Variants in TMEM108 observed in about 807,000 individuals in gnomAD.
TMEM108 encodes the protein transmembrane protein 108.
A neutral mutation model predicts 35.1 loss-of-function variants in TMEM108; 12 were observed. That is an observed-to-expected ratio of 0.34 (90% CI 0.22 to 0.55). The LOEUF is 0.55. Among genes scored for constraint, TMEM108 ranks in the 20% least tolerant of loss-of-function variants. The pLI is 0.89. For synonymous variants in TMEM108, 287 were observed against 308.6 expected (o/e 0.93, Z 0.73); for missense variants, 680 against 753.3 (o/e 0.90, Z 1.14).
chr3:133,338,792 C>G (rs539220340), intron 3 of TMEM108, among the ~76,000 whole-genome samples: 7 of 152,010 alleles, frequency 4.6e-5, no homozygotes, highest in Admixed American at 3.3e-4. Context: ...ATAGAAACAA[C>G]AAAAAGCTTA....
intron 3 of TMEM108, among the ~76,000 whole-genome samples, chr3:133,369,591 T>C (rs1193449175): frequency 6.6e-6 from 1 of 152,204 alleles, no homozygotes; most frequent in Non-Finnish European, 1.5e-5. Flanking sequence ...CCTAACTCCA[T>C]ACTTTGAATT....
At chr3:133,336,309 C>A (rs953924530) in intron 3 of TMEM108, among the ~76,000 whole-genome samples, 1 of 152,100 alleles carries the variant, frequency 6.6e-6, no homozygotes, top group African/African-American at 2.4e-5. Context: ...TTGCACAGCT[C>A]ATGGCTCCAA....
At chr3:133,272,277 G>A (rs993170938) in intron 3 of TMEM108, among the ~76,000 whole-genome samples, 3 of 118,808 alleles carry the variant, frequency 2.5e-5, no homozygotes, top group African/African-American at 1.0e-4. Context: ...ACGTACGTGT[G>A]TGTGTGTGTG....
At chr3:133,130,701 G>A (rs1373267641) in intron 2 of TMEM108, among the ~76,000 whole-genome samples, 1 of 152,210 alleles carries the variant, frequency 6.6e-6, no homozygotes, top group Non-Finnish European at 1.5e-5. Flanking sequence ...TGATAGGGAA[G>A]TGAAAAGTTT....
At chr3:133,270,656 G>T (rs928190249) in intron 3 of TMEM108, among the ~76,000 whole-genome samples, 1 of 152,144 alleles carries the variant, frequency 6.6e-6, no homozygotes, top group Admixed American at 6.5e-5. Flanking sequence ...CAGGTATCAT[G>T]AGCATCTTCT....
At chr3:133,217,354 TAC>T (rs1474491209) in intron 2 of TMEM108, among the ~76,000 whole-genome samples, 2 of 152,092 alleles carry the variant, frequency 1.3e-5, no homozygotes, top group Non-Finnish European at 2.9e-5. Flanking sequence ...AGTTTTCAAA[TAC>T]ATTTTCCCAT....
intron 2 of TMEM108, among the ~76,000 whole-genome samples, chr3:133,192,077 T>C (rs1463140683): frequency 5.9e-5 from 9 of 152,106 alleles, no homozygotes; most frequent in Admixed American, 4.6e-4. Flanking sequence ...ATCATGTATG[T>C]CCCATGGCCA....
intron 3 of TMEM108, among the ~76,000 whole-genome samples, chr3:133,313,668 C>T (rs1327028287): frequency 1.3e-5 from 2 of 152,134 alleles, no homozygotes; most frequent in Non-Finnish European, 2.9e-5. Context: ...GTCCATCTGC[C>T]CTTCATTGAT....
At position 133,055,412 on chromosome 3, in the gene TMEM108, A is replaced by G. The variant is rs115621186; in HGVS notation, c.-47+9392A>G. ...CCTTGTTGAAGATTCTTTAGCAACA[A>G]TAAAGACATCTGCTCTCTCCAGGGT... On this transcript the variant is annotated intron_variant, in intron 2 of 5. Coordinates refer to ENST00000321871, the MANE Select transcript of TMEM108 (RefSeq NM_023943.4). Among the ~76,000 whole-genome samples the G allele has an allele frequency of 5.9e-3, 902 of 152,382 alleles. 8 individuals are homozygous for G. The highest frequency in any genetic ancestry group is 9.0e-3 in the Non-Finnish European group (609 of 68,040).
intron 3 of TMEM108, among the ~76,000 whole-genome samples, chr3:133,344,316 CA>C (rs1032040900): frequency 5.3e-5 from 8 of 151,604 alleles, no homozygotes; most frequent in African/African-American, 1.7e-4. Context: ...GTTAAAAATT[CA>C]AATATCGATT....
At position 133,107,591 on chromosome 3, in the gene TMEM108, T is replaced by C. The variant is rs546506376; in HGVS notation, c.-47+61571T>C. Reference sequence around the variant, plus strand: ...CTTGAGCCTCTGTTCTCTAGCCTTCTAGTGGAGTCAGATTACAAAGGGGAT... The same window carrying C: ...CTTGAGCCTCTGTTCTCTAGCCTTCCAGTGGAGTCAGATTACAAAGGGGAT... On this transcript the variant is annotated intron_variant, in intron 2 of 5. Transcript: ENST00000321871. Among the ~76,000 whole-genome samples the C allele has an allele frequency of 3.9e-5, 6 of 152,216 alleles. 1 individual carries two copies. In the South Asian group the frequency reaches 1.0e-3, roughly 26 times the overall value.
intron 3 of TMEM108, among the ~76,000 whole-genome samples, chr3:133,356,772 G>C (rs1407797622): frequency 6.6e-6 from 1 of 152,158 alleles, no homozygotes; most frequent in Non-Finnish European, 1.5e-5. Flanking sequence ...GTCATATGTA[G>C]AAGAATGAAA....
At chr3:133,196,131 A>G (rs1175189863) in intron 2 of TMEM108, among the ~76,000 whole-genome samples, 1 of 152,126 alleles carries the variant, frequency 6.6e-6, no homozygotes, top group Non-Finnish European at 1.5e-5. Context: ...ATTGTTTTTA[A>G]TCTTCTTATG....
chr3:133,224,307 C>A (rs537444682), intron 2 of TMEM108, among the ~76,000 whole-genome samples: 1 of 152,138 alleles, frequency 6.6e-6, no homozygotes, highest in African/African-American at 2.4e-5. Flanking sequence ...GGTCTCTTCT[C>A]TTTCATTGCC....
intron 2 of TMEM108, among the ~76,000 whole-genome samples, chr3:133,224,521 A>G (rs533919076): frequency 6.6e-4 from 101 of 152,274 alleles, no homozygotes; most frequent in African/African-American, 2.4e-3. Context: ...TCAGTGGAAG[A>G]TAATTGAATC....
intron 3 of TMEM108, among the ~76,000 whole-genome samples, chr3:133,240,795 A>G (rs1288114231): frequency 2.6e-5 from 4 of 152,188 alleles, no homozygotes; most frequent in Non-Finnish European, 5.9e-5. Flanking sequence ...GTGAGAGTTA[A>G]ATGGGTAGGG....
chr3:133,310,530 CTTTTTTTTTTTTTTTTTTTTT>C (rs59215786), intron 3 of TMEM108, among the ~76,000 whole-genome samples: 1 of 22,212 alleles, frequency 4.5e-5, no homozygotes, highest in Non-Finnish European at 8.2e-5. Flanking sequence ...GCAACCCCTG[CTTTTTTTTTTTTTTTTTTTTT>C]TTTTTTTTGC....
intron 3 of TMEM108, among the ~76,000 whole-genome samples, chr3:133,280,792 G>T (rs1946901318): frequency 6.6e-6 from 1 of 152,210 alleles, no homozygotes. Context: ...CAAGTGAATT[G>T]CAGGGATGGC....
chr3:133,193,973 G>A (rs1945539443), intron 2 of TMEM108, among the ~76,000 whole-genome samples: 1 of 139,044 alleles, frequency 7.2e-6, no homozygotes, highest in Admixed American at 7.7e-5. Context: ...GCCTCACTCT[G>A]TCACTCAGGC....
Sources: allele counts gnomAD v4.1 joint callset (sites outside exome capture counted in the v4.1 genomes callset), GRCh38; gene constraint gnomAD v4.1.1; transcripts MANE v1.5; gene names NCBI Gene and HGNC (gene_info 2026-07-23, HGNC 2026-07-21).